The following PIEZO2 variants were observed in gnomAD, a reference collection of about 807,000 sequenced individuals.
PIEZO2 encodes piezo type mechanosensitive ion channel component 2.
Under a neutral mutation model 337.3 loss-of-function variants are expected in PIEZO2, and 172 were observed. The ratio of observed to expected loss-of-function variants is 0.51; its 90% CI spans 0.45 to 0.58. The LOEUF is 0.58. PIEZO2 is among the 20% of genes least tolerant of loss of function. The pLI is 0.00. For missense variants in PIEZO2, 3,028 were observed against 3,391.3 expected (o/e 0.89, Z 2.66); for synonymous variants, 1,251 against 1,228.5 (o/e 1.02, Z -0.38).
intron 1 of PIEZO2, among the ~76,000 whole-genome samples, chr18:11,137,534 AC>A (rs2040522726): frequency 6.6e-6 from 1 of 152,238 alleles, no homozygotes; most frequent in Non-Finnish European, 1.5e-5. Flanking sequence ...CTCGTTATGA[AC>A]AGGATCCAGA....
At chr18:11,144,774 T>C (rs769898296) in intron 1 of PIEZO2, among the ~76,000 whole-genome samples, 28 of 152,328 alleles carry the variant, frequency 1.8e-4, no homozygotes, top group Non-Finnish European at 2.6e-4. Context: ...TTGCCTGTTT[T>C]AGGGGACGGG....
chr18:11,030,504 T>C (rs892807686), intron 2 of PIEZO2, among the ~76,000 whole-genome samples: 1 of 152,200 alleles, frequency 6.6e-6, no homozygotes, highest in South Asian at 2.1e-4. Flanking sequence ...TCAGACAACC[T>C]TGTAGTGGTT....
intron 39 of PIEZO2, among the ~76,000 whole-genome samples, chr18:10,710,532 T>G (rs999954): frequency 0.3 from 46,044 of 152,174 alleles, 7,182 homozygotes; most frequent in East Asian, 0.4. Flanking sequence ...ATTAAAAAAT[T>G]TTTGCCATTT....
At chr18:10,997,119 C>G (rs2660283) in intron 2 of PIEZO2, among the ~76,000 whole-genome samples, 1 of 151,676 alleles carries the variant, frequency 6.6e-6, no homozygotes, top group Non-Finnish European at 1.5e-5. Context: ...GATAATTGAA[C>G]GGTGCATGTT....
At chr18:11,068,649 C>A (rs1231548700) in intron 1 of PIEZO2, among the ~76,000 whole-genome samples, 1 of 151,894 alleles carries the variant, frequency 6.6e-6, no homozygotes, top group Non-Finnish European at 1.5e-5. Flanking sequence ...CTAACCAAGC[C>A]CAAAGTTGGT....
intron 7 of PIEZO2, among the ~76,000 whole-genome samples, chr18:10,848,457 T>C (rs2041432701): frequency 6.6e-6 from 1 of 152,232 alleles, no homozygotes. Flanking sequence ...AAACAATTCA[T>C]TTTCTAATTA....
intron 2 of PIEZO2, among the ~76,000 whole-genome samples, chr18:11,013,151 T>G (rs1183459554): frequency 6.6e-6 from 1 of 152,232 alleles, no homozygotes; most frequent in Non-Finnish European, 1.5e-5. Context: ...AAAAAGGACT[T>G]GGCAGATGTG....
rs2039568750 is a variant in PIEZO2, at chr18:10,795,547, G to C, written c.1528-545C>G. Among the ~76,000 whole-genome samples the C allele has an allele frequency of 1.3e-5, 2 of 152,096 alleles. No homozygotes were observed. Among genetic ancestry groups the C allele is most frequent in the Non-Finnish European group, 2.9e-5 (2 of 68,026 alleles). ...GTTGATGTACAGAAAATGTCAAAAA[G>C]TAACCAAAGAACACAGAACTAATTT... On this transcript the variant is annotated intron_variant, in intron 12 of 55. Coordinates refer to ENST00000674853, the MANE Select transcript of PIEZO2 (RefSeq NM_001378183.1). This position sits in a 1 kb window ranked among gnomAD's most constrained non-coding sequence, Gnocchi z 4.4.
At chr18:11,106,137 G>C (rs1323193700) in intron 1 of PIEZO2, among the ~76,000 whole-genome samples, 1 of 151,936 alleles carries the variant, frequency 6.6e-6, no homozygotes, top group Non-Finnish European at 1.5e-5. Context: ...GCCCAGGCTG[G>C]AGTGCAGTGG....
intron 47 of PIEZO2, among the ~76,000 whole-genome samples, chr18:10,694,883 C>G (rs551854542): frequency 1.3e-5 from 2 of 152,112 alleles, no homozygotes; most frequent in Non-Finnish European, 1.5e-5. Flanking sequence ...TAGCATGTCA[C>G]AGTCTGGGAG....
In PIEZO2 at chr18:11,080,274, A is replaced by C. The variant is rs1368903369; in HGVS notation, c.65-14052T>G. On this transcript the variant is annotated intron_variant, in intron 1 of 55. Transcript: ENST00000674853. This position sits in a 1 kb window ranked among gnomAD's most constrained non-coding sequence, Gnocchi z 5.4. ...CTATGTGTATATTTTGTATTTACAA[A>C]ATAAAATTAAATCTAAGGAAAAAGT... Among the ~76,000 whole-genome samples the C allele has an allele frequency of 2.0e-5, 3 of 152,220 alleles. No individual in the cohort carries two copies. Among genetic ancestry groups the C allele is most frequent in the Non-Finnish European group, 4.4e-5 (3 of 68,036 alleles).
rs2041666920 is a variant in PIEZO2 at position 10,855,117 on chromosome 18, GTCC to G, written c.917+233_917+235del. ...TTATTCCTACACATGACAGCTCCCT[GTCC>G]TCCTGCATCCCAGCGGCATCTCCAT... On this transcript the variant is annotated intron_variant, in intron 7 of 55. Transcript: ENST00000674853. The surrounding 1 kb of genome is among the most constrained non-coding windows in gnomAD (Gnocchi z 4.9). Among the ~76,000 whole-genome samples, 2 of 152,044 alleles carry G rather than the reference GTCC, an allele frequency of 1.3e-5. No homozygotes were observed. Among genetic ancestry groups the G allele is most frequent in the Admixed American group, 6.6e-5 (1 of 15,266 alleles).
Position 10,795,066 on chromosome 18 carries a change from G to T in PIEZO2, c.1528-64C>A. The stretch of plus-strand genomic sequence containing the variant: ...ACAATGCTCAGTCCCCCCCGCCCTG[G>T]TAAGGTAAAAACTATCTAAAAAGAA... On this transcript the variant is annotated intron_variant, in intron 12 of 55. Coordinates refer to ENST00000674853, the MANE Select transcript of PIEZO2 (RefSeq NM_001378183.1). The surrounding 1 kb of genome is among the most constrained non-coding windows in gnomAD (Gnocchi z 4.4). 2 of 1,345,876 alleles carry T rather than the reference G, an allele frequency of 1.5e-6. No individual in the cohort carries two copies. Among genetic ancestry groups the T allele is most frequent in the Non-Finnish European group, 2.0e-6 (2 of 977,162 alleles). 83.4% of individuals were successfully genotyped at this position (1,345,876 alleles called of 1,614,324 possible).
intron 42 of PIEZO2, among the ~76,000 whole-genome samples, chr18:10,703,597 C>T (rs1476624486): frequency 6.6e-6 from 1 of 152,140 alleles, no homozygotes; most frequent in Non-Finnish European, 1.5e-5. Context: ...CTTTTCCTTA[C>T]AAGTCAGGGA....
intron 1 of PIEZO2, among the ~76,000 whole-genome samples, chr18:11,090,291 G>A (rs79074058): frequency 0.015 from 2,352 of 152,268 alleles, 53 homozygotes; most frequent in East Asian, 0.086. Context: ...GAGAGAGAAG[G>A]AAGAAGGAGG....
intron 49 of PIEZO2, among the ~76,000 whole-genome samples, chr18:10,687,534 C>A (rs2034601911): frequency 6.6e-6 from 1 of 152,126 alleles, no homozygotes; most frequent in Admixed American, 6.5e-5. Flanking sequence ...AAAATAAAGG[C>A]TTCAAATTCA....
chr18:10,695,389 G>A (rs530507937), intron 47 of PIEZO2, among the ~76,000 whole-genome samples: 7 of 152,292 alleles, frequency 4.6e-5, no homozygotes, highest in African/African-American at 1.7e-4. Flanking sequence ...TAGGGTTCTA[G>A]GTGACAGAGG....
rs1392402879 is a variant in PIEZO2, at chr18:10,861,452, C to A, written c.493-4241G>T. Among the ~76,000 whole-genome samples, 2 of 152,148 alleles carry A rather than the reference C, an allele frequency of 1.3e-5. No homozygotes were observed. Among genetic ancestry groups the A allele is most frequent in the Non-Finnish European group, 1.5e-5 (1 of 68,030 alleles). ...TAACAGGAAATCTTGTTATTTGCAA[C>A]AACATGCATAAATCTAAAGAAGAAT... On this transcript the variant is annotated intron_variant, in intron 5 of 55. Transcript: ENST00000674853. This position sits in a 1 kb window ranked among gnomAD's most constrained non-coding sequence, Gnocchi z 4.3.
At chr18:10,785,571 A>G (rs1398479150) in intron 16 of PIEZO2, among the ~76,000 whole-genome samples, 5 of 151,760 alleles carry the variant, frequency 3.3e-5, no homozygotes, top group South Asian at 2.1e-4. Flanking sequence ...CCCTCTCCCC[A>G]CTCTAGTATC....
Sources: gnomAD v4.1 joint callset for allele counts (sites outside exome capture counted in the v4.1 genomes callset) on GRCh38, gnomAD v4.1.1 for gene constraint, Gnocchi (gnomAD v3.1) non-coding constraint, MANE v1.5 for transcripts, NCBI Gene and HGNC (gene_info 2026-07-23, HGNC 2026-07-21) for gene names.